YAF2: variants seen among roughly 807,000 people sequenced by gnomAD.
YAF2 encodes the protein YY1 associated factor 2.
Under a neutral mutation model 20.1 loss-of-function variants are expected in YAF2, and 7 were observed. That is an observed-to-expected ratio of 0.35 (90% confidence interval 0.20 to 0.65). The LOEUF (loss-of-function observed/expected upper bound fraction) is 0.65. Ranked by LOEUF, YAF2 falls within the 30% of genes least tolerant of loss-of-function variation. The pLI, the probability that YAF2 is intolerant of heterozygous loss-of-function variation, is 0.69. For synonymous variants in YAF2, 74 were observed against 76.0 expected (o/e 0.97, Z 0.14); for missense variants, 151 against 219.2 (o/e 0.69, Z 1.96).
At chr12:42,162,949 T>C (rs887718935) in intron 2 of YAF2, among the ~76,000 whole-genome samples, 1 of 152,082 alleles carries the variant, frequency 6.6e-6, no homozygotes, top group Non-Finnish European at 1.5e-5. Flanking sequence ...AAAAGTGATA[T>C]TGAAAGTATG....
intron 2 of YAF2, among the ~76,000 whole-genome samples, chr12:42,167,760 C>T (rs2065949439): frequency 6.6e-6 from 1 of 152,182 alleles, no homozygotes; most frequent in Non-Finnish European, 1.5e-5. Context: ...AATCCCAGCA[C>T]TTTGGGAGGC....
At chr12:42,237,118 C>T (rs971798601) in intron 2 of YAF2, among the ~76,000 whole-genome samples, 2 of 152,180 alleles carry the variant, frequency 1.3e-5, no homozygotes, top group African/African-American at 4.8e-5. Context: ...AAACCTTGAT[C>T]TGACCCTTCC....
chr12:42,203,067 A>C (rs1043099982), intron 2 of YAF2, among the ~76,000 whole-genome samples: 6 of 139,388 alleles, frequency 4.3e-5, no homozygotes, highest in African/African-American at 1.0e-4. Flanking sequence ...CATTTTCCAC[A>C]AAAAAAAAAA....
intron 2 of YAF2, chr12:42,232,280 C>T (rs1403034269): frequency 5.1e-6 from 2 of 395,978 alleles, no homozygotes; most frequent in African/African-American, 4.4e-5. Flanking sequence ...CCATCACTGC[C>T]TCTGCACCAT....
intron 2 of YAF2, 46 bp downstream of exon 2, chr12:42,237,553 C>T (rs1192171844): frequency 1.8e-5 from 27 of 1,478,622 alleles, no homozygotes; most frequent in Non-Finnish European, 2.4e-5. Context: ...GTCCTCTGGT[C>T]GCCACCCCGC....
At chr12:42,185,862 C>G (rs1417941817) in intron 2 of YAF2, among the ~76,000 whole-genome samples, 1 of 152,126 alleles carries the variant, frequency 6.6e-6, no homozygotes, top group East Asian at 1.9e-4. Context: ...CTGCAATGTT[C>G]TAGATATAGG....
rs756060529 is a variant in YAF2 at position 42,236,031 on chromosome 12, G to C, written c.152+1568C>G. The C allele has an allele frequency of 1.8e-5, 28 of 1,533,638 alleles. No individual in the cohort carries two copies. In the African/African-American group the frequency reaches 3.3e-4, roughly 18 times the overall value. On this transcript the variant is annotated intron_variant, in intron 2 of 3. Coordinates refer to ENST00000534854, the MANE Select transcript of YAF2 (RefSeq NM_005748.6). ...AAACATATAGGCTCTTCTAGTTTCA[G>C]TATTTTTCTAATGGCTACAAGAAAA...
chr12:42,215,192 T>C (rs1020898204), intron 2 of YAF2, among the ~76,000 whole-genome samples: 1 of 152,200 alleles, frequency 6.6e-6, no homozygotes, highest in Non-Finnish European at 1.5e-5. Flanking sequence ...TCTTGGCTAC[T>C]CCTTTCTTAT....
At chr12:42,178,285 C>T (rs1219749446) in intron 2 of YAF2, among the ~76,000 whole-genome samples, 1 of 152,018 alleles carries the variant, frequency 6.6e-6, no homozygotes, top group African/African-American at 2.4e-5. Flanking sequence ...ATACTTGGGC[C>T]CCCACCCAGA....
chr12:42,220,439 G>C (rs2067479981), intron 2 of YAF2, among the ~76,000 whole-genome samples: 1 of 152,122 alleles, frequency 6.6e-6, no homozygotes, highest in South Asian at 2.1e-4. Context: ...TCTAGTAAAG[G>C]AAGAACTGTT....
At chr12:42,183,131 A>G (rs1045455646) in intron 2 of YAF2, among the ~76,000 whole-genome samples, 1 of 152,200 alleles carries the variant, frequency 6.6e-6, no homozygotes, top group Non-Finnish European at 1.5e-5. Context: ...CCACACCTGT[A>G]TATGACAGTC....
intron 2 of YAF2, among the ~76,000 whole-genome samples, chr12:42,216,205 T>C (rs1218093874): frequency 6.6e-6 from 1 of 152,176 alleles, no homozygotes; most frequent in African/African-American, 2.4e-5. Context: ...TAACCTCCTT[T>C]ATTTAGTCTA....
At chr12:42,179,585 T>G (rs903491605) in intron 2 of YAF2, among the ~76,000 whole-genome samples, 1 of 151,742 alleles carries the variant, frequency 6.6e-6, no homozygotes, top group Admixed American at 6.6e-5. Context: ...AGCTCAGGAG[T>G]TTGAGACCAG....
At position 42,157,271 on chromosome 12, in the gene YAF2, A is replaced by C. The variant is rs780698256; in HGVS notation, c.*3318T>G. On this transcript the variant is annotated 3_prime_UTR_variant, in exon 4 of 4. Transcript: ENST00000534854. ...AGAACACAAGAAGCATCCTCACTTC[A>C]TAACAACCCACTCTTGTGAGAATTC... is the stretch of plus-strand genomic sequence containing the variant. 11 of 152,292 alleles carry C rather than the reference A, an allele frequency of 7.2e-5. No individual in the cohort carries two copies. The highest frequency in any genetic ancestry group is 5.9e-4 in the Admixed American group (9 of 15,280). The allele number at this position is 152,292 out of a possible 1,614,324, so 9.4% of individuals were successfully genotyped here.
intron 2 of YAF2, among the ~76,000 whole-genome samples, chr12:42,187,207 A>T (rs1048519517): frequency 2.0e-5 from 3 of 152,102 alleles, no homozygotes; most frequent in Non-Finnish European, 4.4e-5. Context: ...CCCAGGCTGG[A>T]GTGCAGTGGC....
In YAF2 at chr12:42,160,109, G is replaced by A. The variant is rs1443596047; in HGVS notation, c.*480C>T. On this transcript the variant is annotated 3_prime_UTR_variant, in exon 4 of 4. Coordinates refer to ENST00000534854, the MANE Select transcript of YAF2 (RefSeq NM_005748.6). ...TTAACCACACCAAGTACCAGCAGGT[G>A]TATTTAAGAGGATAACCATTAAGAA... is the stretch of plus-strand genomic sequence containing the variant. The A allele has an allele frequency of 3.3e-5, 5 of 153,306 alleles. No homozygotes were observed. Among genetic ancestry groups the A allele is most frequent in the Non-Finnish European group, 4.4e-5 (3 of 68,516 alleles). The allele number at this position is 153,306 out of a possible 1,614,324, so 9.5% of individuals were successfully genotyped here.
chr12:42,226,473 G>A (rs540170772), intron 2 of YAF2, among the ~76,000 whole-genome samples: 11 of 152,196 alleles, frequency 7.2e-5, no homozygotes, highest in South Asian at 6.2e-4. Context: ...ACCAGACTGG[G>A]CAACATAGGG....
intron 2 of YAF2, among the ~76,000 whole-genome samples, chr12:42,228,311 C>T (rs1565658581): frequency 1.3e-5 from 1 of 78,860 alleles, no homozygotes. Flanking sequence ...GGGGTCAGCC[C>T]CCCTGCCCGG....
intron 2 of YAF2, chr12:42,205,747 C>CT (rs1296268035): frequency 1.3e-5 from 3 of 230,066 alleles, no homozygotes. Context: ...TGGCTCTACT[C>CT]TTTTTTTAGT....
Sources: allele counts gnomAD v4.1 joint callset (sites outside exome capture counted in the v4.1 genomes callset), GRCh38; gene constraint gnomAD v4.1.1; transcripts MANE v1.5; gene names NCBI Gene and HGNC (gene_info 2026-07-23, HGNC 2026-07-21).